RAB11FIP3: variants seen among roughly 807,000 people sequenced by gnomAD.
RAB11FIP3 encodes the protein rab11 family-interacting protein 3.
Under a neutral mutation model 77.8 loss-of-function variants are expected in RAB11FIP3, and 17 were observed. That is an observed-to-expected ratio of 0.22 (90% CI 0.15 to 0.33). The LOEUF is 0.33. RAB11FIP3 is among the 10% of genes least tolerant of loss of function. The pLI, the probability that RAB11FIP3 is intolerant of heterozygous loss-of-function variation, is 1.00. For missense variants in RAB11FIP3, 1,005 were observed against 1,011.2 expected (o/e 0.99, Z 0.08); for synonymous variants, 437 against 448.2 (o/e 0.98, Z 0.31).
At chr16:427,871 G>A (rs1334409646) in intron 1 of RAB11FIP3, among the ~76,000 whole-genome samples, 1 of 151,982 alleles carries the variant, frequency 6.6e-6, no homozygotes, top group Non-Finnish European at 1.5e-5. Context: ...AGGCCGAGGC[G>A]GGCGGATCAC....
In RAB11FIP3 at chr16:425,774, T is replaced by G; in HGVS notation, c.-233T>G. The G allele has an allele frequency of 3.1e-6, 1 of 320,862 alleles. No homozygotes were observed. The highest frequency in any genetic ancestry group is 5.6e-6 in the Non-Finnish European group (1 of 177,362). The allele number at this position is 320,862 out of a possible 1,614,324, so 19.9% of individuals were successfully genotyped here. On this transcript the variant is annotated 5_prime_UTR_variant, in exon 1 of 14. Transcript: ENST00000262305. ...CCGCCCGGATCCTCGCCGCCCTCCC[T>G]AGGCCGCCCCGCCGCCATGGGCCTG...
chr16:474,723 C>A, intron 3 of RAB11FIP3: 1 of 983,434 alleles, frequency 1.0e-6, no homozygotes, highest in South Asian at 2.6e-5. Context: ...AAACCATTAT[C>A]AGCTTAGGAA....
chr16:512,389 T>C lies in RAB11FIP3; in HGVS notation c.1640+1589T>C, dbSNP rs570585934. ...CCGAGTAGCTGGGACTACAGGTGCC[T>C]GCCACCACGCCCGGCTAATTTTTTG... On this transcript the variant is annotated intron_variant, in intron 9 of 13. Coordinates refer to ENST00000262305, the MANE Select transcript of RAB11FIP3 (RefSeq NM_014700.4). 3.8e-4 allele frequency among the ~76,000 whole-genome samples: 58 copies of C among 150,950 alleles called. No homozygotes were observed. In the South Asian group the frequency reaches 9.5e-3, roughly 25 times the overall value.
At chr16:492,445 C>T (rs12444530) in intron 5 of RAB11FIP3, among the ~76,000 whole-genome samples, 1,780 of 84,602 alleles carry the variant, frequency 0.021, 94 homozygotes, top group African/African-American at 0.1. Flanking sequence ...CCCGAGGCCG[C>T]CCAGGGCCCT....
chr16:467,912 G>T (rs2055735456), intron 2 of RAB11FIP3, among the ~76,000 whole-genome samples: 1 of 128,434 alleles, frequency 7.8e-6, no homozygotes, highest in African/African-American at 3.1e-5. Flanking sequence ...CAGGGAGGAG[G>T]TGCAGGGGCG....
chr16:465,529 CTGTT>C lies in RAB11FIP3; in HGVS notation c.808+4035_808+4038del, dbSNP rs199602977. ...AGTGTGGCAGGGCATCTCATGGGGA[CTGTT>C]TGGCAAAACAGAGGGAAGTAGATGC... is the stretch of plus-strand genomic sequence containing the variant. On this transcript the variant is annotated intron_variant, in intron 2 of 13. Transcript: ENST00000262305. 6.1e-3 allele frequency among the ~76,000 whole-genome samples: 926 copies of C among 152,236 alleles called. 10 individuals are homozygous for C. The highest frequency in any genetic ancestry group is 0.021 in the African/African-American group (881 of 41,540).
intron 4 of RAB11FIP3, among the ~76,000 whole-genome samples, chr16:487,640 G>A (rs2056184182): frequency 1.3e-5 from 2 of 152,168 alleles, no homozygotes; most frequent in Admixed American, 1.3e-4. Context: ...TCCTGGAGTG[G>A]AGCAGCGCCG....
At chr16:479,746 A>G (rs539059476) in intron 3 of RAB11FIP3, among the ~76,000 whole-genome samples, 1 of 151,948 alleles carries the variant, frequency 6.6e-6, no homozygotes, top group African/African-American at 2.4e-5. Flanking sequence ...ACAAGGCAAA[A>G]CTCCATTTCT....
chr16:453,487 A>G (rs1259878075), intron 1 of RAB11FIP3: 1 of 151,976 alleles, frequency 6.6e-6, no homozygotes, highest in Non-Finnish European at 1.5e-5. Flanking sequence ...CTTTTATTCT[A>G]GACTTTTCTA....
chr16:484,452 A>T (rs1567384861), intron 4 of RAB11FIP3, among the ~76,000 whole-genome samples: 1 of 151,538 alleles, frequency 6.6e-6, no homozygotes, highest in African/African-American at 2.4e-5. Flanking sequence ...CCCAGGTTCC[A>T]GCGATTCTCC....
chr16:486,279 G>A (rs1033507386), intron 4 of RAB11FIP3, among the ~76,000 whole-genome samples: 1 of 152,162 alleles, frequency 6.6e-6, no homozygotes, highest in African/African-American at 2.4e-5. Flanking sequence ...GGATCATGAG[G>A]TCAGGAGTTT....
chr16:452,344 AAC>A (rs1887495030), intron 1 of RAB11FIP3: 1 of 152,126 alleles, frequency 6.6e-6, no homozygotes, highest in South Asian at 2.1e-4. Flanking sequence ...TAAAAAAGGA[AAC>A]AAAAAAAAGC....
At chr16:462,480 C>T (rs2055624204) in intron 2 of RAB11FIP3, among the ~76,000 whole-genome samples, 1 of 152,158 alleles carries the variant, frequency 6.6e-6, no homozygotes, top group Admixed American at 6.5e-5. Context: ...GGTGATCCGC[C>T]TGCCTCAGCC....
At position 472,216 on chromosome 16, in the gene RAB11FIP3, C is replaced by G. The variant is rs1273473795; in HGVS notation, c.903+827C>G. On this transcript the variant is annotated intron_variant, in intron 3 of 13. Transcript: ENST00000262305. The surrounding 1 kb of genome is among the most constrained non-coding windows in gnomAD (Gnocchi z 4.1). ...GTACCGTGGGAGCCATGGTATTATA[C>G]TCAGTTCCCTGTTCCGAGAAGCTGC... Among the ~76,000 whole-genome samples, 1 of 152,218 alleles carries G rather than the reference C, an allele frequency of 6.6e-6. No homozygotes were observed. The highest frequency in any genetic ancestry group is 1.5e-5 in the Non-Finnish European group (1 of 68,040).
At chr16:441,280 A>G (rs1413457810) in intron 1 of RAB11FIP3, among the ~76,000 whole-genome samples, 1 of 152,142 alleles carries the variant, frequency 6.6e-6, no homozygotes, top group Non-Finnish European at 1.5e-5. Context: ...ATCACTCAGT[A>G]ACCTGGTATT....
chr16:512,510 G>A (rs2032229467), intron 9 of RAB11FIP3, among the ~76,000 whole-genome samples: 1 of 150,928 alleles, frequency 6.6e-6, no homozygotes, highest in South Asian at 2.1e-4. Flanking sequence ...AAAGTGCTGG[G>A]GTTACAGGCA....
At chr16:428,024 C>T (rs570515076) in intron 1 of RAB11FIP3, among the ~76,000 whole-genome samples, 7 of 151,808 alleles carry the variant, frequency 4.6e-5, no homozygotes, top group African/African-American at 1.7e-4. Context: ...TGGCGTGAAC[C>T]CGGGAGGCGG....
chr16:460,551 ATT>A (rs1484348555), intron 1 of RAB11FIP3, among the ~76,000 whole-genome samples: 1 of 150,742 alleles, frequency 6.6e-6, no homozygotes, highest in African/African-American at 2.4e-5. Context: ...GAAGAGTTTC[ATT>A]TTGTGTTACG....
At chr16:430,693 T>C (rs1254522860) in intron 1 of RAB11FIP3, among the ~76,000 whole-genome samples, 1 of 152,126 alleles carries the variant, frequency 6.6e-6, no homozygotes, top group African/African-American at 2.4e-5. Context: ...TAGCTGGGAC[T>C]ATAGGCAGGC....
Sources: gnomAD v4.1 joint callset for allele counts (sites outside exome capture counted in the v4.1 genomes callset) on GRCh38, gnomAD v4.1.1 for gene constraint, Gnocchi (gnomAD v3.1) non-coding constraint, MANE v1.5 for transcripts, NCBI Gene and HGNC (gene_info 2026-07-23, HGNC 2026-07-21) for gene names.